The following ECT2 variants were observed in gnomAD, a reference collection of about 807,000 sequenced individuals.
ECT2 encodes epithelial cell transforming 2, also known as protein ECT2.
In ECT2, 61 loss-of-function variants were observed where a neutral mutation model predicts 116.9. The ratio of observed to expected loss-of-function variants is 0.52; its 90% CI spans 0.42 to 0.65. ECT2 has a LOEUF of 0.65. Among genes scored for constraint, ECT2 ranks in the 30% least tolerant of loss-of-function variants. The probability of loss-of-function intolerance (pLI) is 0.00; values close to 1 mark genes in which losing one functional copy is unlikely to be tolerated. For synonymous variants in ECT2, 358 were observed against 346.4 expected, an observed-to-expected ratio of 1.03 and a Z score of -0.37; for missense variants, 937 against 1,078.7, an observed-to-expected ratio of 0.87 and a Z score of 1.84.
At chr3:172,824,760 T>A (rs1730801928), downstream of ECT2, among the ~76,000 whole-genome samples, 1 of 152,200 alleles carries the variant, frequency 6.6e-6, no homozygotes, top group African/African-American at 2.4e-5. Context: ...ACTGTGTGAG[T>A]GGACTCTATT....
downstream of ECT2, among the ~76,000 whole-genome samples, chr3:172,821,685 A>C (rs913765653): frequency 2.6e-5 from 4 of 151,886 alleles, no homozygotes; most frequent in African/African-American, 9.7e-5. Flanking sequence ...AGTGAATCCT[A>C]TAATGTTTTA....
chr3:172,803,019 T>C, intron 20 of ECT2, 39 bp downstream of exon 20: 1 of 1,530,788 alleles, frequency 6.5e-7, no homozygotes, highest in East Asian at 2.3e-5. Flanking sequence ...ACACTACTGA[T>C]TTTTGTAAGT....
intron 22 of ECT2, among the ~76,000 whole-genome samples, chr3:172,812,258 G>T (rs547516869): frequency 8.5e-5 from 13 of 152,210 alleles, no homozygotes; most frequent in African/African-American, 3.1e-4. Flanking sequence ...TCACAGTGCT[G>T]GGATTACAGG....
chr3:172,811,254 A>G (rs776629128), intron 22 of ECT2, among the ~76,000 whole-genome samples: 1 of 152,200 alleles, frequency 6.6e-6, no homozygotes, highest in Non-Finnish European at 1.5e-5. Context: ...AAGAATGAAT[A>G]ACAAATAAAC....
In ECT2 at chr3:172,814,473, G is replaced by T. The variant is rs555764817; in HGVS notation, c.2401-1131G>T. Among the ~76,000 whole-genome samples, 29 of 152,086 alleles carry T rather than the reference G, an allele frequency of 1.9e-4. No homozygotes were observed. The South Asian group carries it at 6.0e-3, about 32-fold the overall frequency. On this transcript the variant is annotated intron_variant, in intron 22 of 24. Coordinates refer to ENST00000392692, the MANE Select transcript of ECT2 (RefSeq NM_001258315.2). ...AGTGCCAGCATAACAAGGCAATTTGGCTATTCATAGCCTAGATTTATAAAT... is the reference window on the plus strand; with the variant it reads ...AGTGCCAGCATAACAAGGCAATTTGTCTATTCATAGCCTAGATTTATAAAT...
chr3:172,825,048 T>C (rs1396837194), downstream of ECT2, among the ~76,000 whole-genome samples: 1 of 152,246 alleles, frequency 6.6e-6, no homozygotes, highest in African/African-American at 2.4e-5. Flanking sequence ...ATTAGCACAG[T>C]GTTTCCAACA....
At chr3:172,799,686 G>A (rs1726367626) in intron 18 of ECT2, among the ~76,000 whole-genome samples, 1 of 152,136 alleles carries the variant, frequency 6.6e-6, no homozygotes, top group Non-Finnish European at 1.5e-5. Context: ...GCTACAATTA[G>A]TCTCATCCAG....
the ECT2 span, chr3:172,828,873 GGTTCCT>G: frequency 8.0e-7 from 1 of 1,248,414 alleles, no homozygotes; most frequent in Non-Finnish European, 1.1e-6. Flanking sequence ...CTGAGAGACG[GGTTCCT>G]GGCATAGCCA....
At chr3:172,794,415 A>G (rs1725241981) in intron 18 of ECT2, among the ~76,000 whole-genome samples, 1 of 152,126 alleles carries the variant, frequency 6.6e-6, no homozygotes, top group Non-Finnish European at 1.5e-5. Flanking sequence ...CCATAAATGT[A>G]ATGGTTTATT....
At chr3:172,760,113 C>A in intron 6 of ECT2, 43 bp from the exon 7 acceptor site, 2 of 1,382,416 alleles carry the variant, frequency 1.4e-6, no homozygotes, top group South Asian at 1.4e-5. Context: ...AAATTTTGTT[C>A]AAATTAACCA....
At chr3:172,761,868 T>C (rs1237088480) in intron 8 of ECT2, among the ~76,000 whole-genome samples, 185 bp downstream of exon 8, 1 of 152,058 alleles carries the variant, frequency 6.6e-6, no homozygotes, top group Middle Eastern at 3.2e-3. Flanking sequence ...TTGAAAGATA[T>C]CTTTGATATC....
rs757627920 is a variant in ECT2 at position 172,758,920 on chromosome 3, A to G, written c.487-60A>G. ...AAATGAAATATATTTAGCTTGAGAA[A>G]GTTGTGTTGTATTTTCTACTAAAGA... On this transcript the variant is annotated intron_variant, in intron 5 of 24. Transcript: ENST00000392692. The G allele has an allele frequency of 5.3e-4, 717 of 1,344,472 alleles. 2 individuals carry two copies. The highest frequency in any genetic ancestry group is 5.0e-4 in the Non-Finnish European group (478 of 959,902). 83.3% of individuals were successfully genotyped at this position (1,344,472 alleles called of 1,614,324 possible).
At chr3:172,823,853 AATATTTGTATTATGT>A (rs1214358081), downstream of ECT2, among the ~76,000 whole-genome samples, 1 of 151,896 alleles carries the variant, frequency 6.6e-6, no homozygotes, top group East Asian at 1.9e-4. Context: ...ATGGATACAT[AATATTTGTATTATGT>A]ATATTTGTAT....
chr3:172,754,276 C>T (rs1001935628), intron 1 of ECT2, among the ~76,000 whole-genome samples: 1 of 151,976 alleles, frequency 6.6e-6, no homozygotes, highest in Non-Finnish European at 1.5e-5. Context: ...TAGTAATGTT[C>T]TATGTGCTTT....
Position 172,819,289 on chromosome 3 carries a change from A to G in ECT2, c.2656-859A>G, listed in dbSNP as rs530299357. ...GAGAACTTAAGCCAATTACCTTACT[A>G]GCTCTTACAGTTAGCCATTTATATA... On this transcript the variant is annotated intron_variant, in intron 24 of 24. Coordinates refer to ENST00000392692, the MANE Select transcript of ECT2 (RefSeq NM_001258315.2). Among the ~76,000 whole-genome samples the G allele has an allele frequency of 8.5e-5, 13 of 152,192 alleles. No homozygotes were observed. In the South Asian group the frequency reaches 2.7e-3, roughly 32 times the overall value.
chr3:172,767,491 G>T (rs1296876307), intron 12 of ECT2, among the ~76,000 whole-genome samples: 1 of 152,038 alleles, frequency 6.6e-6, no homozygotes, highest in Non-Finnish European at 1.5e-5. Context: ...TCATATAAAA[G>T]CATTTAAAAT....
intron 14 of ECT2, among the ~76,000 whole-genome samples, chr3:172,779,895 C>CAAAA (rs60162451): frequency 0.073 from 7,771 of 106,834 alleles, 710 homozygotes; most frequent in African/African-American, 0.24. Flanking sequence ...GACCCTGTCT[C>CAAAA]AAAAAAAAAA....
At chr3:172,791,301 C>T (rs1724613002) in intron 18 of ECT2, among the ~76,000 whole-genome samples, 1 of 152,150 alleles carries the variant, frequency 6.6e-6, no homozygotes, top group South Asian at 2.1e-4. Context: ...TCAACATAGT[C>T]AGTCACCAGC....
At position 172,776,198 on chromosome 3, in the gene ECT2, C is replaced by CTTTTTTTTT. The variant is rs60558773; in HGVS notation, c.1548+2191_1548+2199dup. Among the ~76,000 whole-genome samples, 960 of 111,544 alleles carry CTTTTTTTTT rather than the reference C, an allele frequency of 8.6e-3. 2 individuals carry two copies. The highest frequency in any genetic ancestry group is 0.016 in the Middle Eastern group (3 of 186). 73.2% of individuals were successfully genotyped at this position (111,544 alleles called of 152,430 possible). On this transcript the variant is annotated intron_variant, in intron 14 of 24. Transcript: ENST00000392692. Reference sequence around the variant, plus strand: ...TCAACTATTAGTTTTTCAGTTTTTTCTTTTTTTTTTTTTTTTTTTTTTTGT... The same window carrying CTTTTTTTTT: ...TCAACTATTAGTTTTTCAGTTTTTTCTTTTTTTTTTTTTTTTTTTTTTTTTTTTTTTTGT...
Sources: gnomAD v4.1 joint callset for allele counts (sites outside exome capture counted in the v4.1 genomes callset) on GRCh38, gnomAD v4.1.1 for gene constraint, MANE v1.5 for transcripts, NCBI Gene and HGNC (gene_info 2026-07-23, HGNC 2026-07-21) for gene names.